The following PADI1 variants were observed in gnomAD, a reference collection of about 807,000 sequenced individuals.
PADI1 encodes protein-arginine deiminase type-1.
PADI1 carries 65 observed loss-of-function variants against 74.8 expected under a neutral mutation model. That is an observed-to-expected ratio of 0.87 (90% CI 0.71 to 1.07). The LOEUF is 1.07. Ranked by LOEUF, PADI1 falls within the 50% of genes least tolerant of loss-of-function variation. PADI1 has a pLI of 0.00. For synonymous variants in PADI1, 371 were observed against 336.2 expected (o/e 1.10, Z -1.13); for missense variants, 943 against 854.0 (o/e 1.10, Z -1.30).
intron 15 of PADI1, among the ~76,000 whole-genome samples, chr1:17,242,756 C>T (rs571891474): frequency 2.7e-4 from 41 of 152,142 alleles, no homozygotes; most frequent in Non-Finnish European, 5.0e-4. Context: ...GAGCGAGTGG[C>T]GGAGTTGGGA....
chr1:17,224,471 C>T (rs2072254161), intron 4 of PADI1, 43 bp downstream of exon 4: 1 of 1,508,646 alleles, frequency 6.6e-7, no homozygotes, highest in Non-Finnish European at 9.2e-7. Context: ...GGTTGAAAGG[C>T]AAACTTGGGG....
intron 14 of PADI1, chr1:17,240,248 A>G (rs1569852504): frequency 4.1e-6 from 1 of 243,702 alleles, no homozygotes; most frequent in East Asian, 9.2e-5. Context: ...GCTAGCACAG[A>G]GTCGGTGCTC....
chr1:17,224,551 T>C (rs977178400), intron 4 of PADI1, 123 bp downstream of exon 4: 2 of 761,262 alleles, frequency 2.6e-6, no homozygotes, highest in African/African-American at 3.5e-5. Context: ...TATCCAACCA[T>C]GTAGGGAACC....
chr1:17,228,837 GT>G, intron 7 of PADI1, 40 bp downstream of exon 7: 1 of 1,605,334 alleles, frequency 6.2e-7, no homozygotes, highest in East Asian at 2.2e-5. Context: ...AGGCTGAGGG[GT>G]TTGGGGGCCC....
chr1:17,213,588 C>T (rs1024771660), intron 1 of PADI1, among the ~76,000 whole-genome samples: 9 of 152,314 alleles, frequency 5.9e-5, no homozygotes, highest in Middle Eastern at 3.4e-3. Flanking sequence ...CATTACCGGC[C>T]GTCATTACCC....
intron 3 of PADI1, among the ~76,000 whole-genome samples, chr1:17,224,090 C>CTAA (rs2072241754): frequency 6.6e-6 from 1 of 152,208 alleles, no homozygotes; most frequent in Admixed American, 6.5e-5. Flanking sequence ...AGTTTGGGGT[C>CTAA]ACCAGCATAT....
chr1:17,224,553 T>A, intron 4 of PADI1, 125 bp downstream of exon 4: 1 of 754,762 alleles, frequency 1.3e-6, no homozygotes, highest in Non-Finnish European at 2.3e-6. Context: ...TCCAACCATG[T>A]AGGGAACCCA....
At chr1:17,215,508 C>A (rs776436774) in intron 1 of PADI1, among the ~76,000 whole-genome samples, 14 of 152,078 alleles carry the variant, frequency 9.2e-5, no homozygotes, top group Non-Finnish European at 1.2e-4. Flanking sequence ...GTCCTGCTTC[C>A]CTTGAAAGGG....
chr1:17,218,881 C>T (rs981354758), intron 1 of PADI1, among the ~76,000 whole-genome samples: 3 of 151,900 alleles, frequency 2.0e-5, no homozygotes, highest in Non-Finnish European at 4.4e-5. Flanking sequence ...CAGGCATGGT[C>T]GTGGACTCAA....
chr1:17,207,604 G>C (rs2071717285), intron 1 of PADI1, among the ~76,000 whole-genome samples: 1 of 152,228 alleles, frequency 6.6e-6, no homozygotes, highest in African/African-American at 2.4e-5. Context: ...GAGGAGACGA[G>C]GACAGCTCAG....
intron 14 of PADI1, chr1:17,240,252 G>T: frequency 4.2e-6 from 1 of 239,220 alleles, no homozygotes. Context: ...GCACAGAGTC[G>T]GTGCTCAGTT....
intron 1 of PADI1, among the ~76,000 whole-genome samples, chr1:17,212,216 G>A (rs1569748996): frequency 6.6e-6 from 1 of 152,304 alleles, no homozygotes; most frequent in East Asian, 1.9e-4. Flanking sequence ...CTGACCCTAC[G>A]GCATTTCTTG....
chr1:17,225,970 A>C, intron 5 of PADI1, 42 bp downstream of exon 5: 1 of 1,610,910 alleles, frequency 6.2e-7, no homozygotes, highest in Non-Finnish European at 8.5e-7. Context: ...GGGAAGGGGG[A>C]TGGAAGTGGA....
intron 6 of PADI1, 143 bp from the exon 7 acceptor site, chr1:17,228,482 C>T: frequency 1.3e-6 from 1 of 767,248 alleles, no homozygotes; most frequent in Admixed American, 2.0e-5. Context: ...AGTCATTGAG[C>T]TAAGGCCATG....
At position 17,245,628 on chromosome 1, in the gene PADI1, T is replaced by C. The variant is rs1450925092; in HGVS notation, c.*1385T>C. Reference sequence around the variant, plus strand: ...CCAACAAAAGCTAGCCTGGAACTGCTATGGTTAAAGTGGGTGAGCGGGAAC... The same window carrying C: ...CCAACAAAAGCTAGCCTGGAACTGCCATGGTTAAAGTGGGTGAGCGGGAAC... On this transcript the variant is annotated 3_prime_UTR_variant, in exon 16 of 16. Coordinates refer to ENST00000375471, the MANE Select transcript of PADI1 (RefSeq NM_013358.3). The surrounding 1 kb of genome is among the most constrained non-coding windows in gnomAD (Gnocchi z 4.1). The C allele has an allele frequency of 6.6e-6, 1 of 152,236 alleles. No homozygotes were observed. The highest frequency in any genetic ancestry group is 2.4e-5 in the African/African-American group (1 of 41,452). 9.4% of individuals were successfully genotyped at this position (152,236 alleles called of 1,614,324 possible).
chr1:17,223,537 G>C, intron 2 of PADI1, 84 bp from the exon 3 acceptor site: 1 of 1,109,792 alleles, frequency 9.0e-7, no homozygotes, highest in South Asian at 1.3e-5. Flanking sequence ...TCTAAGTAGG[G>C]CTGTCAGGAT....
chr1:17,210,947 C>A (rs2071819249), intron 1 of PADI1, among the ~76,000 whole-genome samples: 1 of 152,220 alleles, frequency 6.6e-6, no homozygotes, highest in South Asian at 2.1e-4. Flanking sequence ...TGGGTTCTGG[C>A]ACTCGGTGAT....
intron 1 of PADI1, among the ~76,000 whole-genome samples, chr1:17,213,278 G>T (rs999806060): frequency 8.0e-5 from 12 of 150,422 alleles, no homozygotes; most frequent in African/African-American, 2.7e-4. Flanking sequence ...AGGACGCATT[G>T]CCCTCCTATG....
intron 1 of PADI1, among the ~76,000 whole-genome samples, chr1:17,208,686 A>G (rs1449800116): frequency 1.3e-5 from 2 of 152,280 alleles, no homozygotes; most frequent in African/African-American, 4.8e-5. Flanking sequence ...CCAGTGGGCT[A>G]GCTCACCACC....
Sources: allele counts gnomAD v4.1 joint callset (sites outside exome capture counted in the v4.1 genomes callset), GRCh38; gene constraint gnomAD v4.1.1; non-coding constraint Gnocchi (gnomAD v3.1); transcripts MANE v1.5; gene names NCBI Gene and HGNC (gene_info 2026-07-23, HGNC 2026-07-21).